Variants in RYR1 observed in about 807,000 individuals in gnomAD.
RYR1 encodes ryanodine receptor 1.
A neutral mutation model predicts 583.5 loss-of-function variants in RYR1; 342 were observed. The ratio of observed to expected loss-of-function variants is 0.59; its 90% CI spans 0.54 to 0.64. RYR1 has a LOEUF of 0.64. Ranked by LOEUF, RYR1 falls within the 30% of genes least tolerant of loss-of-function variation. RYR1 has a pLI of 0.00. For missense variants in RYR1, 6,032 were observed against 6,917.2 expected, an observed-to-expected ratio of 0.87 and a Z score of 4.54; for synonymous variants, 2,791 against 2,822.5, an observed-to-expected ratio of 0.99 and a Z score of 0.35.
At chr19:38,456,661 T>C (rs1967411343) in intron 16 of RYR1, among the ~76,000 whole-genome samples, 1 of 152,052 alleles carries the variant, frequency 6.6e-6, no homozygotes, top group Non-Finnish European at 1.5e-5. Flanking sequence ...CACTCTGTAG[T>C]TTGCCATAGC....
In RYR1 at chr19:38,510,584, A is replaced by G; in HGVS notation, c.9000+19A>G. The G allele has an allele frequency of 6.2e-7, 1 of 1,614,124 alleles. No homozygotes were observed. Among genetic ancestry groups the G allele is most frequent in the Non-Finnish European group, 8.5e-7 (1 of 1,180,024 alleles). ...TGCCAAGGTGAGAGGTGGGCTTAGA[A>G]GCTGGAGGGCGCTGGGGACTCATAG... On this transcript the variant is annotated intron_variant, in intron 59 of 105. Transcript: ENST00000359596.
At chr19:38,538,995 C>T (rs1021594828) in intron 84 of RYR1, among the ~76,000 whole-genome samples, 1 of 152,172 alleles carries the variant, frequency 6.6e-6, no homozygotes, top group Admixed American at 6.5e-5. Context: ...ACAGACTACC[C>T]GGAAATCAAC....
intron 63 of RYR1, among the ~76,000 whole-genome samples, chr19:38,514,824 C>G (rs1970883579): frequency 6.6e-6 from 1 of 152,098 alleles, no homozygotes. Flanking sequence ...GGTACTATAA[C>G]TATCCCCATG....
In RYR1 at chr19:38,523,031, G is replaced by A. The variant is rs778171066; in HGVS notation, c.10263G>A (p.Ala3421=). Residue 3421 remains alanine (A), a synonymous_variant, in exon 68 of 106, where the codon GCG becomes GCA. Transcript: ENST00000359596. ...ACCTCCCCTCCGCTGACCCCAGGGC[G>A]CAGTGGCTGACGGAGCCGAATCCCA... is the stretch of plus-strand genomic sequence containing the variant. ...LLIRYVDNNR[A]QWLTEPNPSA... is the part of the protein sequence containing the mutation. The A allele has an allele frequency of 3.1e-5, 50 of 1,593,720 alleles. No homozygotes were observed. Among genetic ancestry groups the A allele is most frequent in the South Asian group, 2.9e-4 (26 of 89,052 alleles).
At chr19:38,436,629 T>G (rs548269469) in intron 1 of RYR1, among the ~76,000 whole-genome samples, 1 of 152,328 alleles carries the variant, frequency 6.6e-6, no homozygotes, top group East Asian at 1.9e-4. Context: ...TGTTTATCAG[T>G]TCACCTGCTG....
chr19:38,442,525 G>A lies in RYR1; in HGVS notation c.270+72G>A, dbSNP rs1408067000. On this transcript the variant is annotated intron_variant, in intron 3 of 105. Coordinates refer to ENST00000359596, the MANE Select transcript of RYR1 (RefSeq NM_000540.3). Reference sequence around the variant, plus strand: ...AGGACCCAGGGGTCGTTTAGGGCACGGTGGCAAGGATGGGTGAGAGGACCC... The same window carrying A: ...AGGACCCAGGGGTCGTTTAGGGCACAGTGGCAAGGATGGGTGAGAGGACCC... The A allele has an allele frequency of 1.6e-5, 18 of 1,123,070 alleles. No individual in the cohort carries two copies. In the East Asian group the frequency reaches 1.7e-4, roughly 10 times the overall value. 69.6% of individuals were successfully genotyped at this position (1,123,070 alleles called of 1,614,324 possible). A position where few individuals can be genotyped will look rare whatever the true frequency, so the allele number is the denominator to read the frequency against.
At chr19:38,573,364 C>T in intron 96 of RYR1, 57 bp downstream of exon 96, 2 of 1,593,058 alleles carry the variant, frequency 1.3e-6, no homozygotes, top group Admixed American at 3.5e-5. Flanking sequence ...GGTTTCCACC[C>T]AGTCCAGGCC....
rs1008038813 is a variant in RYR1, at chr19:38,526,814, C to T, written c.10627-179C>T. On this transcript the variant is annotated intron_variant, in intron 71 of 105. Coordinates refer to ENST00000359596, the MANE Select transcript of RYR1 (RefSeq NM_000540.3). ...AAGGTGACTCTGTGACCCTCCGGCC[C>T]CTCTAGGACCCCTTCTGACCCCGTC... is the stretch of plus-strand genomic sequence containing the variant. 2.1e-5 allele frequency: 13 copies of T among 625,380 alleles called. No homozygotes were observed. The African/African-American group carries it at 2.2e-4, about 11-fold the overall frequency. The allele number at this position is 625,380 out of a possible 1,614,324, so 38.7% of individuals were successfully genotyped here.
chr19:38,519,853 A>C (rs558937300), intron 67 of RYR1, among the ~76,000 whole-genome samples: 1 of 151,696 alleles, frequency 6.6e-6, no homozygotes, highest in East Asian at 1.9e-4. Flanking sequence ...TAAGTTTCGT[A>C]TTTTTAGTAG....
chr19:38,557,457 G>A (rs981161004), intron 89 of RYR1, among the ~76,000 whole-genome samples: 3 of 152,218 alleles, frequency 2.0e-5, no homozygotes, highest in Admixed American at 6.5e-5. Flanking sequence ...CCTGTAAACC[G>A]GCTGGTGGCG....
Position 38,534,936 on chromosome 19 carries a change from G to A in RYR1, c.11359+117G>A, listed in dbSNP as rs537111245. ...GCCCCTCAATGCCTGTGGTTTGCAC[G>A]CACACCCCAGCCCTTGCAGCTTCCC... On this transcript the variant is annotated intron_variant, in intron 79 of 105. Transcript: ENST00000359596. The A allele has an allele frequency of 3.2e-4, 377 of 1,192,022 alleles. 1 individual carries two copies. Among genetic ancestry groups the A allele is most frequent in the South Asian group, 7.3e-4 (56 of 76,278 alleles). 73.8% of individuals were successfully genotyped at this position (1,192,022 alleles called of 1,614,324 possible).
chr19:38,477,132 T>C (rs2145499956), intron 29 of RYR1, among the ~76,000 whole-genome samples: 1 of 152,200 alleles, frequency 6.6e-6, no homozygotes, highest in Non-Finnish European at 1.5e-5. Context: ...TGAGCAATTA[T>C]TTAATTATTT....
At chr19:38,509,126 C>T (rs1033985867) in intron 58 of RYR1, among the ~76,000 whole-genome samples, 9 of 152,010 alleles carry the variant, frequency 5.9e-5, no homozygotes, top group African/African-American at 1.5e-4. Flanking sequence ...GAGCAGGATT[C>T]GCTGTCACGT....
rs2145844677 is a variant in RYR1, at chr19:38,565,247, C to T, written c.12913C>T (p.Leu4305=). 3.0e-6 allele frequency: 3 copies of T among 990,230 alleles called. No homozygotes were observed. Among genetic ancestry groups the T allele is most frequent in the South Asian group, 9.0e-5 (2 of 22,184 alleles). The allele number at this position is 990,230 out of a possible 1,614,324, so 61.3% of individuals were successfully genotyped here. ...GGTTGTGGCGGCCGCAGGCCGGGCC[C>T]TGCGAGGCCTCAGCTACCGCAGCCT... is the stretch of plus-strand genomic sequence containing the variant. ...ARVVAAAGRA[L]RGLSYRSLRR... The change falls in exon 91 of 106, where the codon CTG becomes TTG. Residue 4305 remains leucine (L), a synonymous_variant. Transcript: ENST00000359596. The surrounding 1 kb of genome is among the most constrained non-coding windows in gnomAD (Gnocchi z 4.7).
At chr19:38,568,581 C>CAAAAAAAA (rs59369147) in intron 93 of RYR1, among the ~76,000 whole-genome samples, 14 of 64,882 alleles carry the variant, frequency 2.2e-4, no homozygotes, top group East Asian at 8.9e-4. Flanking sequence ...ACTAAAAATA[C>CAAAAAAAA]AAAAAAAAAA....
rs112558164 is a variant in RYR1 at position 38,580,506 on chromosome 19, T to C, written c.14646+2T>C. On this transcript the variant is annotated splice_donor_variant, in intron 101 of 105. Transcript: ENST00000359596. LOFTEE classifies it high-confidence loss of function. ...ATGAAGTGTGATGACATGATGACGG[T>C]GAGCCCCTCCCCTAGCACTCTGGGA... 6.2e-7 allele frequency: 1 copy of C among 1,614,042 alleles called. No homozygotes were observed. Among genetic ancestry groups the C allele is most frequent in the Non-Finnish European group, 8.5e-7 (1 of 1,179,996 alleles).
chr19:38,502,575 C>T lies in RYR1; in HGVS notation c.7683C>T (p.Leu2561=), dbSNP rs144196095. The T allele has an allele frequency of 5.8e-5, 94 of 1,612,340 alleles. No individual in the cohort carries two copies. Among genetic ancestry groups the T allele is most frequent in the Non-Finnish European group, 6.8e-5 (80 of 1,179,922 alleles). The part of the protein sequence containing the change: ...NRYLCLAVLP[L]ITKCAPLFAG... Reference sequence around the variant, plus strand: ...ACCTGTGCCTGGCCGTGCTGCCGCTCATCACCAAGTGTGCGCCGCTCTTTG... The same window carrying T: ...ACCTGTGCCTGGCCGTGCTGCCGCTTATCACCAAGTGTGCGCCGCTCTTTG... Residue 2561 remains leucine (L), a synonymous_variant, in exon 48 of 106, where the codon CTC becomes CTT. Coordinates refer to ENST00000359596, the MANE Select transcript of RYR1 (RefSeq NM_000540.3).
intron 13 of RYR1, among the ~76,000 whole-genome samples, 190 bp from the exon 14 acceptor site, chr19:38,455,045 G>A (rs1380661222): frequency 1.3e-5 from 2 of 152,138 alleles, no homozygotes; most frequent in Non-Finnish European, 2.9e-5. Flanking sequence ...GACAAGAATA[G>A]ATATGGGGAG....
chr19:38,486,297 C>G (rs1184067066), intron 34 of RYR1, 95 bp downstream of exon 34: 1 of 1,433,372 alleles, frequency 7.0e-7, no homozygotes, highest in Non-Finnish European at 9.8e-7. Context: ...ATTTATGCAT[C>G]CAACCACCCA....
Sources: gnomAD v4.1 joint callset for allele counts (sites outside exome capture counted in the v4.1 genomes callset) on GRCh38, gnomAD v4.1.1 for gene constraint, Gnocchi (gnomAD v3.1) non-coding constraint, MANE v1.5 for transcripts, NCBI Gene and HGNC (gene_info 2026-07-23, HGNC 2026-07-21) for gene names.